The following QSER1 variants were observed in gnomAD, a reference collection of about 807,000 sequenced individuals.
QSER1 encodes the protein glutamine and serine rich 1.
In QSER1, 49 loss-of-function variants were observed where a neutral mutation model predicts 158.5. The observed-to-expected ratio is 0.31, with a 90% CI of 0.25 to 0.39. The LOEUF (loss-of-function observed/expected upper bound fraction) is 0.39, where lower values mean the gene tolerates loss of function less well. Ranked by LOEUF, QSER1 falls within the 10% of genes least tolerant of loss-of-function variation. The pLI, the probability that QSER1 is intolerant of heterozygous loss-of-function variation, is 1.00. For synonymous variants in QSER1, 650 were observed against 715.5 expected (o/e 0.91, Z 1.46); for missense variants, 1,754 against 2,010.3 (o/e 0.87, Z 2.44).
chr11:32,940,254 G>T (rs1268277910), intron 4 of QSER1, among the ~76,000 whole-genome samples: 1 of 152,128 alleles, frequency 6.6e-6, no homozygotes, highest in Non-Finnish European at 1.5e-5. Context: ...TGTTAGCCTT[G>T]CACAAGGCTT....
In QSER1 at chr11:32,979,111, T is replaced by C. The variant is rs1590193800; in HGVS notation, c.*2637T>C. On this transcript the variant is annotated 3_prime_UTR_variant, in exon 13 of 13. Transcript: ENST00000650167. ...GAAAACATACAGTAAGAATATGGTA[T>C]TATAATCTTACGGGACCACTGTCAA... The C allele has an allele frequency of 6.6e-6, 1 of 152,646 alleles. No individual in the cohort carries two copies. Among genetic ancestry groups the C allele is most frequent in the East Asian group, 1.9e-4 (1 of 5,202 alleles). The allele number at this position is 152,646 out of a possible 1,614,324, so 9.5% of individuals were successfully genotyped here.
intron 4 of QSER1, among the ~76,000 whole-genome samples, chr11:32,946,101 C>A (rs2133570378): frequency 6.6e-6 from 1 of 152,236 alleles, no homozygotes; most frequent in Middle Eastern, 3.4e-3. Flanking sequence ...CTCCTTTAAG[C>A]ACTTCTCTGT....
At chr11:32,951,729 C>T (rs1470040315) in intron 4 of QSER1, among the ~76,000 whole-genome samples, 1 of 151,758 alleles carries the variant, frequency 6.6e-6, no homozygotes, top group African/African-American at 2.4e-5. Context: ...TTGGGTTGTT[C>T]ACTGCAAATG....
At chr11:32,957,234 C>G (rs1341417663) in intron 7 of QSER1, among the ~76,000 whole-genome samples, 1 of 149,710 alleles carries the variant, frequency 6.7e-6, no homozygotes, top group Non-Finnish European at 1.5e-5. Context: ...CTCCACCTCC[C>G]GGGTTCAAGC....
At chr11:32,963,586 C>T (rs928323978) in intron 8 of QSER1, among the ~76,000 whole-genome samples, 16 of 152,098 alleles carry the variant, frequency 1.1e-4, no homozygotes, top group African/African-American at 3.6e-4. Flanking sequence ...TGCTTGACTT[C>T]GTGATCCACC....
chr11:32,934,966 A>G lies in QSER1; in HGVS notation c.3708A>G (p.Thr1236=), dbSNP rs954858717. The G allele has an allele frequency of 6.2e-7, 1 of 1,614,052 alleles. No homozygotes were observed. The highest frequency in any genetic ancestry group is 1.3e-5 in the African/African-American group (1 of 74,950). ...GCAAACGCCAGAATCCAAGGGGAAC[A>G]GATATTTACTTACCGTATACTCCTC... ...AQGKRQNPRG[T]DIYLPYTPPS... The change falls in exon 4 of 13, where the codon ACA becomes ACG. Residue 1236 remains threonine (T), a synonymous_variant. Coordinates refer to ENST00000650167, the MANE Select transcript of QSER1 (RefSeq NM_001076786.3).
intron 1 of QSER1, among the ~76,000 whole-genome samples, chr11:32,921,032 A>G (rs185422026): frequency 9.9e-4 from 151 of 152,338 alleles, no homozygotes; most frequent in African/African-American, 3.5e-3. Context: ...ACATACATCT[A>G]TACAAAAACT....
Position 32,979,122 on chromosome 11 carries a change from CG to C in QSER1, c.*2651del, listed in dbSNP as rs2133623899. 6.5e-6 allele frequency: 1 copy of C among 152,708 alleles called. No individual in the cohort carries two copies. Among genetic ancestry groups the C allele is most frequent in the East Asian group, 1.9e-4 (1 of 5,188 alleles). The allele number at this position is 152,708 out of a possible 1,614,324, so 9.5% of individuals were successfully genotyped here. On this transcript the variant is annotated 3_prime_UTR_variant, in exon 13 of 13. Coordinates refer to ENST00000650167, the MANE Select transcript of QSER1 (RefSeq NM_001076786.3). ...GTAAGAATATGGTATTATAATCTTACGGGACCACTGTCAAATACGCGGTCTG... is the reference window on the plus strand; with the variant it reads ...GTAAGAATATGGTATTATAATCTTACGGACCACTGTCAAATACGCGGTCTG...
At chr11:32,897,065 G>T (rs996097291) in intron 1 of QSER1, among the ~76,000 whole-genome samples, 1 of 152,124 alleles carries the variant, frequency 6.6e-6, no homozygotes, top group Non-Finnish European at 1.5e-5. Context: ...CAACTAATTT[G>T]TGCTAGCTGT....
chr11:32,948,445 G>T (rs1455793470), intron 4 of QSER1, among the ~76,000 whole-genome samples: 1 of 152,136 alleles, frequency 6.6e-6, no homozygotes, highest in Non-Finnish European at 1.5e-5. Flanking sequence ...GGGAAACATA[G>T]TGAGAGCCTA....
At chr11:32,925,160 T>G (rs76582333) in intron 1 of QSER1, among the ~76,000 whole-genome samples, 3,197 of 152,326 alleles carry the variant, frequency 0.021, 48 homozygotes, top group Non-Finnish European at 0.032. Context: ...ACTCCATGTC[T>G]TTGCTATTGT....
chr11:32,938,319 C>T (rs963266004), intron 4 of QSER1, among the ~76,000 whole-genome samples: 2 of 152,094 alleles, frequency 1.3e-5, no homozygotes, highest in Non-Finnish European at 2.9e-5. Context: ...TTTGCAAGAC[C>T]TGAAGTGTAG....
intron 8 of QSER1, among the ~76,000 whole-genome samples, chr11:32,960,485 A>G (rs1243138000): frequency 6.6e-6 from 1 of 152,114 alleles, no homozygotes. Context: ...CTTGAACCCA[A>G]GAGGCAAAGG....
chr11:32,971,358 T>C (rs1852852867), intron 10 of QSER1, among the ~76,000 whole-genome samples: 1 of 152,252 alleles, frequency 6.6e-6, no homozygotes, highest in African/African-American at 2.4e-5. Context: ...ATCTTGGTGA[T>C]GTTAGGAGTC....
At chr11:32,910,749 A>G (rs1373850896) in intron 1 of QSER1, among the ~76,000 whole-genome samples, 2 of 152,272 alleles carry the variant, frequency 1.3e-5, no homozygotes, top group East Asian at 3.8e-4. Context: ...TCAAAGGTAA[A>G]TAGAGTAAAA....
intron 8 of QSER1, among the ~76,000 whole-genome samples, chr11:32,959,856 G>A (rs1182317224): frequency 6.6e-6 from 1 of 151,956 alleles, no homozygotes; most frequent in Non-Finnish European, 1.5e-5. Context: ...CGACCTCCCA[G>A]GCTCAAGTGA....
chr11:32,957,744 A>T (rs1852545211), intron 7 of QSER1, 125 bp from the exon 8 acceptor site: 1 of 780,572 alleles, frequency 1.3e-6, no homozygotes, highest in South Asian at 1.9e-5. Flanking sequence ...CTTGGACTGT[A>T]TATTTTGAAG....
chr11:32,897,895 G>A (rs556340005), intron 1 of QSER1, among the ~76,000 whole-genome samples: 1 of 152,342 alleles, frequency 6.6e-6, no homozygotes, highest in East Asian at 1.9e-4. Context: ...GATGGTGGGA[G>A]TTGTGTGTGC....
chr11:32,957,115 C>CT (rs772652552), intron 7 of QSER1, among the ~76,000 whole-genome samples: 2,141 of 139,548 alleles, frequency 0.015, 28 homozygotes, highest in South Asian at 0.033. Flanking sequence ...TTGGGTTTTT[C>CT]TTTTTTTTCT....
Sources: allele counts gnomAD v4.1 joint callset (sites outside exome capture counted in the v4.1 genomes callset), GRCh38; gene constraint gnomAD v4.1.1; transcripts MANE v1.5; gene names NCBI Gene and HGNC (gene_info 2026-07-23, HGNC 2026-07-21).